Variants in MTERF4 observed in about 807,000 individuals in gnomAD.
MTERF4 encodes the protein transcription termination factor 4, mitochondrial.
MTERF4 carries 17 observed loss-of-function variants against 22.5 expected under a neutral mutation model. That is an observed-to-expected ratio of 0.75 (90% CI 0.52 to 1.13). MTERF4 has a LOEUF of 1.13. MTERF4 is among the 50% of genes most tolerant of loss of function. The pLI, the probability that MTERF4 is intolerant of heterozygous loss-of-function variation, is 0.00. For missense variants in MTERF4, 420 were observed against 466.8 expected, an observed-to-expected ratio of 0.90 and a Z score of 0.92; for synonymous variants, 165 against 175.3, an observed-to-expected ratio of 0.94 and a Z score of 0.47.
At chr2:241,078,556 A>G (rs1440769344) in intron 4 of MTERF4, among the ~76,000 whole-genome samples, 1 of 151,780 alleles carries the variant, frequency 6.6e-6, no homozygotes, top group Non-Finnish European at 1.5e-5. Context: ...TCTATGTACT[A>G]TGATTCCATT....
the MTERF4 span, chr2:241,064,898 G>A: frequency 6.3e-7 from 1 of 1,585,294 alleles, no homozygotes; most frequent in African/African-American, 1.4e-5. This position sits in a 1 kb window ranked among gnomAD's most constrained non-coding sequence, Gnocchi z 7.0. Flanking sequence ...TGCCTGGCCA[G>A]CAACGGCTCC....
the MTERF4 span, chr2:241,048,312 C>G: frequency 1.3e-6 from 2 of 1,594,974 alleles, no homozygotes; most frequent in Non-Finnish European, 1.7e-6. Context: ...GTCTTTCTTG[C>G]AGGAGACCAT....
the MTERF4 span, chr2:241,065,734 G>A: frequency 1.3e-6 from 1 of 765,556 alleles, no homozygotes; most frequent in Non-Finnish European, 2.1e-6. Flanking sequence ...CTGAGCTGGG[G>A]GTTGGAGGCA....
downstream of MTERF4, chr2:241,089,090 G>A (rs564100674): frequency 3.2e-4 from 150 of 464,574 alleles, 1 homozygote; most frequent in South Asian, 5.5e-3. Flanking sequence ...ACAAACTGCC[G>A]AATCTTAAAC....
downstream of MTERF4, chr2:241,070,230 G>A (rs775187394): frequency 1.5e-5 from 23 of 1,575,420 alleles, no homozygotes; most frequent in Admixed American, 5.2e-5. Flanking sequence ...GCGCGTGGGC[G>A]GGGCCAGTGT....
At chr2:241,055,425 A>G in the MTERF4 span, among the ~76,000 whole-genome samples, 2 of 152,240 alleles carry the variant, frequency 1.3e-5, no homozygotes, top group Non-Finnish European at 2.9e-5. Context: ...CTTGACATCA[A>G]ACTTCTCAAC....
downstream of MTERF4, among the ~76,000 whole-genome samples, chr2:241,083,630 C>T (rs1400983995): frequency 6.6e-6 from 1 of 152,200 alleles, no homozygotes; most frequent in Non-Finnish European, 1.5e-5. Flanking sequence ...GAGTCCGAAT[C>T]CACAGTATCT....
chr2:241,094,404 C>T, downstream of MTERF4: 1 of 471,204 alleles, frequency 2.1e-6, no homozygotes, highest in South Asian at 1.5e-5. This position sits in a 1 kb window ranked among gnomAD's most constrained non-coding sequence, Gnocchi z 4.3. Flanking sequence ...AAGTCTTTTT[C>T]TTTGCAGTCA....
At chr2:241,078,293 G>T (rs989480051) in intron 4 of MTERF4, among the ~76,000 whole-genome samples, 1 of 150,596 alleles carries the variant, frequency 6.6e-6, no homozygotes, top group Admixed American at 6.6e-5. Flanking sequence ...TGAGGCAGGA[G>T]AATCGCTTGA....
At chr2:241,054,530 T>TG in the MTERF4 span, among the ~76,000 whole-genome samples, 1 of 151,914 alleles carries the variant, frequency 6.6e-6, no homozygotes, top group Non-Finnish European at 1.5e-5. Context: ...AGCCTGCCAC[T>TG]GTACTCCAGC....
chr2:241,048,632 A>G, the MTERF4 span: 1 of 1,577,328 alleles, frequency 6.3e-7, no homozygotes, highest in South Asian at 1.2e-5. Context: ...GCGCCCCCAC[A>G]TGGGAGGCTC....
the MTERF4 span, among the ~76,000 whole-genome samples, chr2:241,042,942 G>A: frequency 3.3e-5 from 5 of 151,946 alleles, no homozygotes; most frequent in African/African-American, 4.8e-5. Context: ...AGCAGCCTGG[G>A]ATCCACGTAT....
At chr2:241,072,142 G>C, downstream of MTERF4, 1 of 688,730 alleles carries the variant, frequency 1.5e-6, no homozygotes, top group South Asian at 1.5e-5. Flanking sequence ...GCACGCAAGA[G>C]AAGATAAACA....
At chr2:241,044,695 C>T in the MTERF4 span, among the ~76,000 whole-genome samples, 1 of 152,144 alleles carries the variant, frequency 6.6e-6, no homozygotes, top group African/African-American at 2.4e-5. Context: ...GTTGGGGAAT[C>T]CTCAAGTGCC....
downstream of MTERF4, chr2:241,082,349 GCGTCTGTCACCA>G (rs1158127903): frequency 1.2e-6 from 2 of 1,613,206 alleles, no homozygotes; most frequent in South Asian, 2.2e-5. Context: ...TGGGAGGGAG[GCGTCTGTCACCA>G]CGTGTAAGTT....
the MTERF4 span, chr2:241,063,404 G>A: frequency 1.6e-6 from 1 of 616,988 alleles, no homozygotes; most frequent in African/African-American, 1.8e-5. Flanking sequence ...AGGCAGTGGA[G>A]GTGGCACGCC....
downstream of MTERF4, among the ~76,000 whole-genome samples, chr2:241,068,315 C>T (rs2062549288): frequency 2.1e-5 from 3 of 142,502 alleles, no homozygotes; most frequent in African/African-American, 9.1e-5. The surrounding 1 kb of genome is among the most constrained non-coding windows in gnomAD (Gnocchi z 5.3). Context: ...TCCCAGGAGT[C>T]CCACAGTGGA....
chr2:241,081,664 CCT>C (rs1223010473), intron 4 of MTERF4: 1 of 1,576,610 alleles, frequency 6.3e-7, no homozygotes, highest in Non-Finnish European at 8.6e-7. Flanking sequence ...CCTCTCGTGA[CCT>C]CTGTTTCCAG....
chr2:241,096,607 T>A lies in MTERF4; in HGVS notation c.706-169A>T. 1 of 756,392 alleles carries A rather than the reference T, an allele frequency of 1.3e-6. No homozygotes were observed. Among genetic ancestry groups the A allele is most frequent in the Non-Finnish European group, 2.4e-6 (1 of 425,074 alleles). The allele number at this position is 756,392 out of a possible 1,614,324, so 46.9% of individuals were successfully genotyped here. A position where few individuals can be genotyped will look rare whatever the true frequency, so the allele number is the denominator to read the frequency against. On this transcript the variant is annotated intron_variant, in intron 3 of 3. Transcript: ENST00000391980. This position sits in a 1 kb window ranked among gnomAD's most constrained non-coding sequence, Gnocchi z 5.1. ...GACATTTGTGTGACAGCCAGCAGTT[T>A]CAAAACACTTTCAAATTCATCCTGA...
Sources: allele counts gnomAD v4.1 joint callset (sites outside exome capture counted in the v4.1 genomes callset), GRCh38; gene constraint gnomAD v4.1.1; non-coding constraint Gnocchi (gnomAD v3.1); transcripts MANE v1.5; gene names NCBI Gene and HGNC (gene_info 2026-07-23, HGNC 2026-07-21).